Variants in NHS observed in about 807,000 individuals in gnomAD.
NHS encodes actin remodeling regulator NHS.
NHS carries 5 observed loss-of-function variants against 72.5 expected under a neutral mutation model. That is an observed-to-expected ratio of 0.07 (90% CI 0.04 to 0.14). The LOEUF (loss-of-function observed/expected upper bound fraction) is 0.14, where lower values mean the gene tolerates loss of function less well. Among genes scored for constraint, NHS ranks in the 10% least tolerant of loss-of-function variants. The pLI is 1.00. For synonymous variants in NHS, 464 were observed against 547.7 expected, an observed-to-expected ratio of 0.85 and a Z score of 2.13; for missense variants, 1,072 against 1,355.7, an observed-to-expected ratio of 0.79 and a Z score of 3.29.
intron 1 of NHS, among the ~76,000 whole-genome samples, chrX:17,551,445 GC>G (rs1569279413): frequency 9.0e-6 from 1 of 111,659 alleles, no homozygotes; most frequent in East Asian, 2.8e-4. Flanking sequence ...TCTGGAACCT[GC>G]CCCCTTCCCC....
intron 1 of NHS, among the ~76,000 whole-genome samples, chrX:17,601,222 C>G (rs1227264440): frequency 9.0e-6 from 1 of 111,551 alleles, no homozygotes; most frequent in Non-Finnish European, 1.9e-5. Context: ...AAAACCCAAA[C>G]TTGTAGATTC....
chrX:17,394,767 C>T (rs903848843), intron 1 of NHS, among the ~76,000 whole-genome samples: 11 of 108,808 alleles, frequency 1.0e-4, no homozygotes, highest in South Asian at 7.9e-4. Context: ...TTTGGAAGAT[C>T]GCTGATTTTT....
At chrX:17,410,020 G>A (rs1454276773) in intron 1 of NHS, among the ~76,000 whole-genome samples, 2 of 111,511 alleles carry the variant, frequency 1.8e-5, no homozygotes, top group Non-Finnish European at 3.8e-5. Context: ...CAGTATTTCT[G>A]TGCCTAGAGT....
chrX:17,619,236 A>G (rs1008238701), intron 1 of NHS, among the ~76,000 whole-genome samples: 3 of 112,297 alleles, frequency 2.7e-5, no homozygotes, highest in Non-Finnish European at 5.6e-5. Context: ...GGTGACATAC[A>G]CTAGGCCTGT....
At chrX:17,695,128 C>T (rs1678991061) in intron 3 of NHS, among the ~76,000 whole-genome samples, 1 of 112,247 alleles carries the variant, frequency 8.9e-6, no homozygotes. Flanking sequence ...CATATACTCA[C>T]ATATAAGACT....
At chrX:17,640,942 A>G (rs1435759941) in intron 1 of NHS, among the ~76,000 whole-genome samples, 1 of 112,016 alleles carries the variant, frequency 8.9e-6, no homozygotes, top group African/African-American at 3.2e-5. Flanking sequence ...ATGGGTTTCT[A>G]GTGCTTTCCA....
intron 1 of NHS, among the ~76,000 whole-genome samples, chrX:17,385,340 C>T (rs972300398): frequency 6.3e-5 from 7 of 110,345 alleles, no homozygotes; most frequent in Admixed American, 4.8e-4. Flanking sequence ...ATGGTGAAAC[C>T]CCATCTCTAC....
intron 1 of NHS, among the ~76,000 whole-genome samples, chrX:17,672,922 A>G (rs978869): frequency 1.8e-5 from 2 of 111,421 alleles, no homozygotes; most frequent in Non-Finnish European, 3.8e-5. Context: ...TTGATCAATG[A>G]ATGAATGAAC....
At chrX:17,497,874 T>C (rs2065020089) in intron 1 of NHS, among the ~76,000 whole-genome samples, 1 of 112,084 alleles carries the variant, frequency 8.9e-6, no homozygotes, top group Non-Finnish European at 1.9e-5. Context: ...AATTTCTTGC[T>C]CCTGCAAACA....
chrX:17,645,669 A>G, intron 1 of NHS, among the ~76,000 whole-genome samples: 1 of 111,864 alleles, frequency 8.9e-6, no homozygotes, highest in East Asian at 2.8e-4. Flanking sequence ...CCATCCCAGA[A>G]AGCCAGAAAA....
chrX:17,512,321 C>T (rs2065093129), intron 1 of NHS, among the ~76,000 whole-genome samples: 1 of 112,088 alleles, frequency 8.9e-6, no homozygotes, highest in African/African-American at 3.2e-5. Context: ...TGTAGTTTTA[C>T]ACATAATGTA....
chrX:17,464,624 G>C (rs2146898579), intron 1 of NHS, among the ~76,000 whole-genome samples: 1 of 112,740 alleles, frequency 8.9e-6, no homozygotes, highest in South Asian at 3.7e-4. Context: ...TAAGGGGAGA[G>C]GTGATTCTTC....
At chrX:17,421,004 T>C (rs989541155) in intron 1 of NHS, among the ~76,000 whole-genome samples, 3 of 111,005 alleles carry the variant, frequency 2.7e-5, no homozygotes, top group African/African-American at 9.8e-5. Context: ...AGGGGGCTAC[T>C]AAAATGTAGG....
chrX:17,511,845 G>T (rs1449200110), intron 1 of NHS, among the ~76,000 whole-genome samples: 1 of 95,670 alleles, frequency 1.0e-5, no homozygotes, highest in East Asian at 3.7e-4. Flanking sequence ...AGGGATCCAT[G>T]AGGGATGGTT....
At chrX:17,421,046 G>C (rs184637123) in intron 1 of NHS, among the ~76,000 whole-genome samples, 1 of 110,353 alleles carries the variant, frequency 9.1e-6, no homozygotes, top group Non-Finnish European at 1.9e-5. Flanking sequence ...AGAATTTACT[G>C]GTTTTAAAAG....
intron 1 of NHS, among the ~76,000 whole-genome samples, chrX:17,547,957 G>T (rs978034224): frequency 8.9e-6 from 1 of 111,853 alleles, no homozygotes; most frequent in Non-Finnish European, 1.9e-5. Flanking sequence ...TCACATGGTG[G>T]TGGAAGGGCC....
At chrX:17,471,123 C>T (rs2064890938) in intron 1 of NHS, among the ~76,000 whole-genome samples, 1 of 112,336 alleles carries the variant, frequency 8.9e-6, no homozygotes, top group African/African-American at 3.2e-5. Context: ...TGCTTTCTCT[C>T]TTTTTTCTTG....
At chrX:17,433,839 T>C (rs1344937747) in intron 1 of NHS, among the ~76,000 whole-genome samples, 1 of 112,205 alleles carries the variant, frequency 8.9e-6, no homozygotes, top group Non-Finnish European at 1.9e-5. Flanking sequence ...TTTGGTAAAT[T>C]GGTGCAGTTT....
intron 1 of NHS, among the ~76,000 whole-genome samples, chrX:17,585,224 T>A (rs1185649343): frequency 8.9e-6 from 1 of 112,414 alleles, no homozygotes; most frequent in African/African-American, 3.2e-5. Context: ...ACTGGTTACC[T>A]AACTTCTCTG....
Sources: allele counts gnomAD v4.1 joint callset (sites outside exome capture counted in the v4.1 genomes callset), GRCh38; gene constraint gnomAD v4.1.1; transcripts MANE v1.5; gene names NCBI Gene and HGNC (gene_info 2026-07-23, HGNC 2026-07-21).